Variants in VAT1L observed in about 807,000 individuals in gnomAD.
VAT1L encodes vesicle amine transport 1 like.
Under a neutral mutation model 44.1 loss-of-function variants are expected in VAT1L, and 34 were observed. The ratio of observed to expected loss-of-function variants is 0.77; its 90% CI spans 0.59 to 1.03. The LOEUF is 1.03. Ranked by LOEUF, VAT1L falls within the 50% of genes least tolerant of loss-of-function variation. VAT1L has a pLI of 0.00. For synonymous variants in VAT1L, 253 were observed against 202.2 expected, an observed-to-expected ratio of 1.25 and a Z score of -2.13; for missense variants, 615 against 538.8, an observed-to-expected ratio of 1.14 and a Z score of -1.40.
chr16:77,845,328 G>C (rs2016747684), intron 3 of VAT1L, among the ~76,000 whole-genome samples: 1 of 152,176 alleles, frequency 6.6e-6, no homozygotes, highest in South Asian at 2.1e-4. Context: ...CGGGATAAGA[G>C]TGTGGCAGTA....
intron 3 of VAT1L, among the ~76,000 whole-genome samples, chr16:77,829,591 A>T (rs1002307373): frequency 7.9e-5 from 12 of 152,206 alleles, no homozygotes; most frequent in African/African-American, 2.9e-4. Flanking sequence ...GATGGCCCCA[A>T]ATGGCAGTGC....
At chr16:77,929,810 G>A (rs1367775401) in intron 7 of VAT1L, among the ~76,000 whole-genome samples, 2 of 152,162 alleles carry the variant, frequency 1.3e-5, no homozygotes. Flanking sequence ...GATAATAAGT[G>A]GAAGAACTGG....
chr16:77,894,136 T>G (rs959591384), intron 7 of VAT1L, among the ~76,000 whole-genome samples: 1 of 152,166 alleles, frequency 6.6e-6, no homozygotes, highest in African/African-American at 2.4e-5. Flanking sequence ...TCCACTATGT[T>G]GGGAAAGACC....
intron 7 of VAT1L, among the ~76,000 whole-genome samples, chr16:77,902,312 T>C (rs188670187): frequency 6.6e-6 from 1 of 152,224 alleles, no homozygotes; most frequent in South Asian, 2.1e-4. Flanking sequence ...CAAGGGACAA[T>C]AGTCAATGGG....
intron 7 of VAT1L, among the ~76,000 whole-genome samples, chr16:77,967,750 C>T (rs1184655080): frequency 6.6e-6 from 1 of 152,166 alleles, no homozygotes; most frequent in Admixed American, 6.5e-5. Context: ...ACTGGAGAGG[C>T]AGCTTAAAAG....
At chr16:77,885,362 C>T (rs1451064070) in intron 7 of VAT1L, among the ~76,000 whole-genome samples, 2 of 152,058 alleles carry the variant, frequency 1.3e-5, no homozygotes, top group Non-Finnish European at 2.9e-5. Flanking sequence ...ATTAAGAACC[C>T]CTAATGGAGC....
intron 7 of VAT1L, among the ~76,000 whole-genome samples, chr16:77,966,931 TTAAAAAAA>T (rs1159110574): frequency 4.5e-5 from 2 of 44,098 alleles, no homozygotes; most frequent in African/African-American, 1.6e-4. Context: ...GTAGAGTACT[TTAAAAAAA>T]AAAAAAAAAA....
At chr16:77,797,463 G>A (rs1448375471) in intron 1 of VAT1L, among the ~76,000 whole-genome samples, 1 of 152,162 alleles carries the variant, frequency 6.6e-6, no homozygotes, top group African/African-American at 2.4e-5. Flanking sequence ...TTCCAGGGTT[G>A]GGAATGGATT....
In VAT1L at chr16:77,963,097, C is replaced by T. The variant is rs576453224; in HGVS notation, c.1078-8753C>T. Among the ~76,000 whole-genome samples, 4 of 152,326 alleles carry T rather than the reference C, an allele frequency of 2.6e-5. No individual in the cohort carries two copies. In the East Asian group the frequency reaches 5.8e-4, roughly 22 times the overall value. ...GTAACTGTGTCAGATGCTTAACAGA[C>T]ATCTGCCCTCAACCTTCACGGCAGT... is the stretch of plus-strand genomic sequence containing the variant. On this transcript the variant is annotated intron_variant, in intron 7 of 8. Coordinates refer to ENST00000302536, the MANE Select transcript of VAT1L (RefSeq NM_020927.3).
intron 7 of VAT1L, among the ~76,000 whole-genome samples, chr16:77,927,701 C>A (rs977746278): frequency 3.4e-4 from 51 of 151,976 alleles, no homozygotes; most frequent in African/African-American, 1.2e-3. Context: ...CACAGTGAAA[C>A]CCCGTCTCTA....
intron 3 of VAT1L, among the ~76,000 whole-genome samples, chr16:77,826,020 C>G (rs557375740): frequency 1.2e-3 from 107 of 87,714 alleles, no homozygotes; most frequent in African/African-American, 4.2e-3. Flanking sequence ...CAGACTCCAT[C>G]TCAAAAAAAA....
chr16:77,969,010 G>A (rs2018252153), intron 7 of VAT1L, among the ~76,000 whole-genome samples: 1 of 151,962 alleles, frequency 6.6e-6, no homozygotes, highest in South Asian at 2.1e-4. Context: ...GTAGAGATGG[G>A]GTTTCCCCAT....
At chr16:77,939,967 A>G (rs1388632080) in intron 7 of VAT1L, among the ~76,000 whole-genome samples, 1 of 152,322 alleles carries the variant, frequency 6.6e-6, no homozygotes, top group African/African-American at 2.4e-5. Flanking sequence ...CTTCTTTAAG[A>G]TGCAGTAATA....
rs778753268 is a variant in VAT1L at position 77,788,798 on chromosome 16, C to T, written c.116C>T (p.Ala39Val). The part of the protein sequence containing the change: ...GGDGSHRLGD[A>V]QEMRAVVLAG... ...GACGGCTCGCACCGCCTCGGGGACGCCCAGGAGATGCGCGCGGTGGTGCTG... is the reference window on the plus strand; with the variant it reads ...GACGGCTCGCACCGCCTCGGGGACGTCCAGGAGATGCGCGCGGTGGTGCTG... Residue 39 changes from alanine (A) to valine (V), a missense_variant, in exon 1 of 9, where the codon GCC becomes GTC. Physicochemically the swap from Ala to Val is moderately conservative, Grantham distance 64. Coordinates refer to ENST00000302536, the MANE Select transcript of VAT1L (RefSeq NM_020927.3). The T allele has an allele frequency of 1.8e-5, 28 of 1,571,028 alleles. No homozygotes were observed. The South Asian group carries it at 2.3e-4, about 13-fold the overall frequency.
At chr16:77,889,256 C>T (rs764036109) in intron 7 of VAT1L, among the ~76,000 whole-genome samples, 4 of 152,070 alleles carry the variant, frequency 2.6e-5, no homozygotes, top group Non-Finnish European at 4.4e-5. Context: ...ATATCAGAGA[C>T]GATTAAAGTT....
chr16:77,940,340 G>GTTTTTTTTT (rs66546770), intron 7 of VAT1L, among the ~76,000 whole-genome samples: 1 of 112,522 alleles, frequency 8.9e-6, no homozygotes, highest in Non-Finnish European at 1.7e-5. Flanking sequence ...ATACCACTTG[G>GTTTTTTTTT]TTTTTTTTTT....
intron 3 of VAT1L, among the ~76,000 whole-genome samples, chr16:77,843,494 G>C (rs2145261693): frequency 6.6e-6 from 1 of 152,320 alleles, no homozygotes; most frequent in Non-Finnish European, 1.5e-5. Flanking sequence ...CCTACAGAAA[G>C]TTCTAAACAT....
At chr16:77,842,053 A>T (rs2016712185) in intron 3 of VAT1L, among the ~76,000 whole-genome samples, 4 of 151,984 alleles carry the variant, frequency 2.6e-5, no homozygotes. Context: ...ACGCCTGGCT[A>T]ATTTTTTGTG....
At chr16:77,795,982 A>C (rs28584133) in intron 1 of VAT1L, among the ~76,000 whole-genome samples, 28,519 of 151,752 alleles carry the variant, frequency 0.19, 3,035 homozygotes, top group African/African-American at 0.28. Flanking sequence ...CCTGCCACCA[A>C]GCCCAGCTAG....
Sources: gnomAD v4.1 joint callset for allele counts (sites outside exome capture counted in the v4.1 genomes callset) on GRCh38, gnomAD v4.1.1 for gene constraint, MANE v1.5 for transcripts, NCBI Gene and HGNC (gene_info 2026-07-23, HGNC 2026-07-21) for gene names.